The following GTF3C1 variants were observed in gnomAD, a reference collection of about 807,000 sequenced individuals.
GTF3C1 encodes general transcription factor 3C polypeptide 1.
Under a neutral mutation model 226.7 loss-of-function variants are expected in GTF3C1, and 57 were observed. That is an observed-to-expected ratio of 0.25 (90% CI 0.20 to 0.31). The LOEUF (loss-of-function observed/expected upper bound fraction) is 0.31. Ranked by LOEUF, GTF3C1 falls within the 10% of genes least tolerant of loss-of-function variation. GTF3C1 has a pLI of 1.00. For synonymous variants in GTF3C1, 1,090 were observed against 1,084.8 expected (o/e 1.00, Z -0.09); for missense variants, 2,217 against 2,776.1 (o/e 0.80, Z 4.53).
intron 4 of GTF3C1, among the ~76,000 whole-genome samples, chr16:27,535,749 C>T (rs776393354): frequency 1.3e-5 from 2 of 151,800 alleles, no homozygotes; most frequent in Admixed American, 6.6e-5. Flanking sequence ...ATTAGCTGGG[C>T]GCGGTGGTGC....
intron 12 of GTF3C1, among the ~76,000 whole-genome samples, chr16:27,499,559 G>A (rs1320104424): frequency 6.6e-6 from 1 of 152,184 alleles, no homozygotes; most frequent in African/African-American, 2.4e-5. Context: ...TGGAAACAGG[G>A]GGCAGGAAGC....
At position 27,533,337 on chromosome 16, in the gene GTF3C1, G is replaced by C. The variant is rs1198218039; in HGVS notation, c.803C>G (p.Thr268Arg). ...CAGCGTCTCTATGTGGTTAGTCCGT[G>C]TGCTCAGCATGACCGAAAGCTTCTC... Reference protein sequence around the residue: ...LMEKLSVMLSTRTNHIETLGK... With the variant: ...LMEKLSVMLSRRTNHIETLGK... Residue 268 changes from threonine (T) to arginine (R), a missense_variant, in exon 5 of 37, where the codon ACA (threonine) becomes AGA (arginine). Coordinates refer to ENST00000356183, the MANE Select transcript of GTF3C1 (RefSeq NM_001520.4). The C allele has an allele frequency of 1.1e-5, 17 of 1,608,928 alleles. No individual in the cohort carries two copies. Among genetic ancestry groups the C allele is most frequent in the Non-Finnish European group, 1.4e-5 (17 of 1,175,408 alleles).
chr16:27,538,075 CAA>C, intron 3 of GTF3C1, 103 bp downstream of exon 3: 1 of 1,261,586 alleles, frequency 7.9e-7, no homozygotes, highest in Non-Finnish European at 1.1e-6. Context: ...GGCCTTGAAA[CAA>C]AAAGCCATGC....
intron 12 of GTF3C1, among the ~76,000 whole-genome samples, chr16:27,499,207 G>T (rs35160907): frequency 2.5e-3 from 387 of 152,374 alleles, no homozygotes; most frequent in Non-Finnish European, 4.6e-3. Flanking sequence ...CCAGGCACAC[G>T]TCCAAACAAA....
rs1596610116 is a variant in GTF3C1 at position 27,463,807 on chromosome 16, C to T, written c.5873-215G>A. ...CGCACACAGCGCCACATGCAAGCAG[C>T]GTCCCAGGCCCGGACAAGCCCCACA... On this transcript the variant is annotated intron_variant, in intron 34 of 36. Transcript: ENST00000356183. The surrounding 1 kb of genome is among the most constrained non-coding windows in gnomAD (Gnocchi z 4.9). 1.0e-5 allele frequency: 6 copies of T among 573,224 alleles called. No individual in the cohort carries two copies. In the East Asian group the frequency reaches 1.2e-4, roughly 12 times the overall value. 35.5% of individuals were successfully genotyped at this position (573,224 alleles called of 1,614,324 possible). A position where few individuals can be genotyped will look rare whatever the true frequency, so the allele number is the denominator to read the frequency against.
At position 27,549,267 on chromosome 16, in the gene GTF3C1, A is replaced by G. The variant is rs1219789703; in HGVS notation, c.221+403T>C. ...CGCAGATCTCGAGTTGCCCTAGGCT[A>G]TCTGCACCGAATGAATATACCATGA... On this transcript the variant is annotated intron_variant, in intron 1 of 36. Transcript: ENST00000356183. 2.0e-5 allele frequency among the ~76,000 whole-genome samples: 3 copies of G among 152,300 alleles called. No homozygotes were observed. In the East Asian group the frequency reaches 5.8e-4, roughly 29 times the overall value.
At position 27,506,901 on chromosome 16, in the gene GTF3C1, C is replaced by T; in HGVS notation, c.1498G>A (p.Ala500Thr). The change falls in exon 9 of 37, where the codon GCC (alanine) becomes ACC (threonine). Residue 500 changes from alanine (A) to threonine (T), a missense_variant. Ala to Thr is a moderately conservative substitution (Grantham distance 58). This residue lies in a region of GTF3C1 where 173 missense variants were observed against 207.2 expected (regional missense o/e 0.83). Transcript: ENST00000356183. Reference sequence around the variant, plus strand: ...GTCTTGGGCCGGAGGTTTGCAGAGGCTCTTGTGTCTTTCTGGGACCCTCTG... The same window carrying T: ...GTCTTGGGCCGGAGGTTTGCAGAGGTTCTTGTGTCTTTCTGGGACCCTCTG... ...RGRGSQKDTRASANLRPKTQP... is the reference protein window; with the variant it reads ...RGRGSQKDTRTSANLRPKTQP... The T allele has an allele frequency of 6.2e-7, 1 of 1,613,724 alleles. No homozygotes were observed. The highest frequency in any genetic ancestry group is 8.5e-7 in the Non-Finnish European group (1 of 1,179,972).
intron 1 of GTF3C1, 66 bp downstream of exon 1, chr16:27,549,589 TCCCCCGCCCTGCCCC>T: frequency 2.5e-6 from 2 of 785,914 alleles, no homozygotes; most frequent in Non-Finnish European, 4.1e-6. Context: ...CCCACTCCAT[TCCCCCGCCCTGCCCC>T]CAGCTCCATC....
chr16:27,524,673 C>T (rs1200010884), intron 6 of GTF3C1, among the ~76,000 whole-genome samples: 2 of 152,228 alleles, frequency 1.3e-5, no homozygotes, highest in Admixed American at 6.5e-5. Flanking sequence ...CCTTTCTCTA[C>T]AGTTGCCTGT....
Position 27,494,785 on chromosome 16 carries a change from T to C in GTF3C1, c.2756A>G (p.Gln919Arg). 6.2e-7 allele frequency: 1 copy of C among 1,612,906 alleles called. No individual in the cohort carries two copies. Among genetic ancestry groups the C allele is most frequent in the Non-Finnish European group, 8.5e-7 (1 of 1,178,944 alleles). Reference protein sequence around the residue: ...LLCLPLSIFIQIVQVSYKVDN... With the variant: ...LLCLPLSIFIRIVQVSYKVDN... ...TACCTTGTAGCTGACTTGCACAATC[T>C]GGATGAAGATGGAGAGGGGAAGGCA... Residue 919 changes from glutamine (Q) to arginine (R), a missense_variant, in exon 16 of 37, where the codon CAG becomes CGG. By Grantham distance (43) the Gln-to-Arg change is conservative. Around this residue, in one of 12 missense-constraint regions of GTF3C1, gnomAD observed 353 missense variants for 411.7 expected, o/e 0.86. Transcript: ENST00000356183.
intron 32 of GTF3C1, among the ~76,000 whole-genome samples, chr16:27,468,549 T>A (rs1287477119): frequency 1.3e-5 from 2 of 152,172 alleles, no homozygotes; most frequent in African/African-American, 4.8e-5. Context: ...GAGCTAGAGA[T>A]GACAGTGAGC....
intron 2 of GTF3C1, among the ~76,000 whole-genome samples, chr16:27,541,078 T>C (rs1325504442): frequency 6.6e-6 from 1 of 152,168 alleles, no homozygotes; most frequent in Non-Finnish European, 1.5e-5. Context: ...TGGCCTCAAG[T>C]GATCCACCCC....
chr16:27,495,083 G>C, intron 15 of GTF3C1, 128 bp downstream of exon 15: 1 of 866,238 alleles, frequency 1.2e-6, no homozygotes, highest in Non-Finnish European at 1.8e-6. Context: ...AGGAAGTGTG[G>C]ATTATGTTTC....
At chr16:27,549,389 G>T (rs1295047438) in intron 1 of GTF3C1, among the ~76,000 whole-genome samples, 1 of 152,110 alleles carries the variant, frequency 6.6e-6, no homozygotes, top group African/African-American at 2.4e-5. Flanking sequence ...TTTTAAGCCT[G>T]AAGAATATCC....
intron 14 of GTF3C1, among the ~76,000 whole-genome samples, chr16:27,496,967 A>G (rs1268215849): frequency 6.6e-6 from 1 of 152,154 alleles, no homozygotes; most frequent in Non-Finnish European, 1.5e-5. Flanking sequence ...TAAAGGCCAC[A>G]CCGTGGGGCT....
At chr16:27,531,998 C>T (rs764183899) in intron 5 of GTF3C1, among the ~76,000 whole-genome samples, 3 of 152,192 alleles carry the variant, frequency 2.0e-5, no homozygotes, top group Admixed American at 6.5e-5. Context: ...GCCTCCCTGC[C>T]TCATGTCGGA....
At chr16:27,475,308 A>T (rs2087935360) in intron 29 of GTF3C1, among the ~76,000 whole-genome samples, 1 of 152,230 alleles carries the variant, frequency 6.6e-6, no homozygotes, top group African/African-American at 2.4e-5. Flanking sequence ...CGCCCTAATG[A>T]TCGGGTCCTC....
Position 27,509,529 on chromosome 16 carries a change from G to A in GTF3C1, c.1127-874C>T, listed in dbSNP as rs374729584. Among the ~76,000 whole-genome samples the A allele has an allele frequency of 3.6e-4, 54 of 151,948 alleles. No individual in the cohort carries two copies. The East Asian group carries it at 6.0e-3, about 17-fold the overall frequency. On this transcript the variant is annotated intron_variant, in intron 7 of 36. Transcript: ENST00000356183. ...TCCCAGCACTTTGGGAGGCTGAGGC[G>A]GGCGGATCACGAGGTCAGGAGATCG...
At chr16:27,508,697 A>C in intron 7 of GTF3C1, 42 bp from the exon 8 acceptor site, 4 of 1,442,330 alleles carry the variant, frequency 2.8e-6, no homozygotes, top group Non-Finnish European at 2.9e-6. Flanking sequence ...GCTGCAAAGG[A>C]GCTGTTCTGC....
Sources: gnomAD v4.1 joint callset for allele counts (sites outside exome capture counted in the v4.1 genomes callset) on GRCh38, gnomAD v4.1.1 for gene constraint, gnomAD v4.1.1 regional missense constraint, Gnocchi (gnomAD v3.1) non-coding constraint, MANE v1.5 for transcripts, NCBI Gene and HGNC (gene_info 2026-07-23, HGNC 2026-07-21) for gene names.